Variants in LRRIQ1 observed in about 807,000 individuals in gnomAD.
LRRIQ1 encodes the protein leucine rich repeats and IQ motif containing 1, also known as leucine-rich repeat- and IQ domain-containing protein 1.
LRRIQ1 carries 210 observed loss-of-function variants against 211.9 expected under a neutral mutation model. The ratio of observed to expected loss-of-function variants is 0.99; its 90% CI spans 0.89 to 1.11. LRRIQ1 has a LOEUF of 1.11. Ranked by LOEUF, LRRIQ1 falls within the 50% of genes most tolerant of loss-of-function variation. The pLI, the probability that LRRIQ1 is intolerant of heterozygous loss-of-function variation, is 0.00. For missense variants in LRRIQ1, 2,136 were observed against 1,939.5 expected (o/e 1.10, Z -1.90); for synonymous variants, 699 against 650.1 (o/e 1.08, Z -1.14).
intron 14 of LRRIQ1, among the ~76,000 whole-genome samples, chr12:85,106,150 A>G (rs574586174): frequency 1.4e-4 from 21 of 152,260 alleles, no homozygotes; most frequent in Non-Finnish European, 2.8e-4. Flanking sequence ...TGTTGTATAT[A>G]CAATTTTAAC....
chr12:85,162,147 C>A (rs1204451504), intron 24 of LRRIQ1, among the ~76,000 whole-genome samples: 2 of 151,870 alleles, frequency 1.3e-5, no homozygotes, highest in African/African-American at 2.4e-5. Flanking sequence ...TAAAGATTTC[C>A]TTTACATTCT....
At chr12:85,203,169 C>A (rs79478082) in intron 24 of LRRIQ1, among the ~76,000 whole-genome samples, 2 of 152,114 alleles carry the variant, frequency 1.3e-5, no homozygotes, top group Non-Finnish European at 2.9e-5. Context: ...CAGGGGTTTT[C>A]GCTTTTGCAT....
chr12:85,181,260 G>A (rs1293569376), intron 24 of LRRIQ1, among the ~76,000 whole-genome samples: 2 of 151,754 alleles, frequency 1.3e-5, no homozygotes, highest in African/African-American at 4.8e-5. Flanking sequence ...GTTGATATAT[G>A]CTTTATAAAG....
intron 15 of LRRIQ1, among the ~76,000 whole-genome samples, chr12:85,115,869 A>T (rs1464378978): frequency 6.6e-6 from 1 of 152,036 alleles, no homozygotes; most frequent in South Asian, 2.1e-4. Flanking sequence ...TTATCTGTTC[A>T]TTTTTCTGAT....
chr12:85,232,987 A>G lies in LRRIQ1; in HGVS notation c.5016+231A>G, dbSNP rs3803035. 208 of 441,846 alleles carry G rather than the reference A, an allele frequency of 4.7e-4. 4 individuals are homozygous for G. In the East Asian group the frequency reaches 8.6e-3, roughly 18 times the overall value. 27.4% of individuals were successfully genotyped at this position (441,846 alleles called of 1,614,324 possible). ...AATTTTATGTGACAGATGTAAAAAT[A>G]TTAGCATCCTACAACTTTAAAATAA... On this transcript the variant is annotated intron_variant, in intron 26 of 26. Coordinates refer to ENST00000393217, the MANE Select transcript of LRRIQ1 (RefSeq NM_001079910.2).
At chr12:85,176,682 T>C (rs1275641247) in intron 24 of LRRIQ1, among the ~76,000 whole-genome samples, 3 of 151,196 alleles carry the variant, frequency 2.0e-5, no homozygotes, top group Non-Finnish European at 4.4e-5. Flanking sequence ...GCATGGCACA[T>C]GTATACATAT....
intron 6 of LRRIQ1, chr12:85,047,893 C>T (rs1163127685): frequency 2.5e-5 from 4 of 158,380 alleles, no homozygotes; most frequent in Non-Finnish European, 5.5e-5. Flanking sequence ...TCAGTCTGCG[C>T]CCCACCTTCA....
chr12:85,147,723 T>C (rs1454360784), intron 19 of LRRIQ1, among the ~76,000 whole-genome samples: 1 of 146,308 alleles, frequency 6.8e-6, no homozygotes, highest in African/African-American at 2.6e-5. Context: ...TTTTTTTTTT[T>C]CATGAGAAAC....
intron 15 of LRRIQ1, among the ~76,000 whole-genome samples, chr12:85,119,319 C>A (rs1227599476): frequency 6.6e-6 from 1 of 152,064 alleles, no homozygotes; most frequent in Non-Finnish European, 1.5e-5. Flanking sequence ...CTTTTCTCCA[C>A]CTCTTTTCAT....
At chr12:85,197,763 G>T (rs1392896987) in intron 24 of LRRIQ1, among the ~76,000 whole-genome samples, 2 of 149,328 alleles carry the variant, frequency 1.3e-5, no homozygotes, top group African/African-American at 2.5e-5. Flanking sequence ...CACCAGCATG[G>T]CACATGTATA....
chr12:85,198,017 A>G (rs1893059958), intron 24 of LRRIQ1, among the ~76,000 whole-genome samples: 3 of 58,872 alleles, frequency 5.1e-5, no homozygotes, highest in Middle Eastern at 0.014. Flanking sequence ...ATAATATATT[A>G]TATTATTATA....
intron 24 of LRRIQ1, among the ~76,000 whole-genome samples, chr12:85,200,812 C>T (rs1415341661): frequency 2.0e-5 from 3 of 151,582 alleles, no homozygotes. Context: ...ATCATGATGG[C>T]TTAGCATTTT....
chr12:85,193,084 ATAAT>A (rs1892684614), intron 24 of LRRIQ1, among the ~76,000 whole-genome samples: 1 of 118,692 alleles, frequency 8.4e-6, no homozygotes, highest in Non-Finnish European at 1.6e-5. Flanking sequence ...TTTATTATAT[ATAAT>A]TATATATATT....
At chr12:85,261,575 A>T (rs1009747741) in intron 1 of LRRIQ1, among the ~76,000 whole-genome samples, 6 of 151,300 alleles carry the variant, frequency 4.0e-5, no homozygotes, top group African/African-American at 1.5e-4. Context: ...CTCTAACCTT[A>T]CTTAAGCACG....
chr12:85,088,160 A>G (rs1264684187), intron 11 of LRRIQ1, among the ~76,000 whole-genome samples: 3 of 152,200 alleles, frequency 2.0e-5, no homozygotes, highest in Admixed American at 1.3e-4. Flanking sequence ...AGCTTTCTAC[A>G]TATGGCTAGT....
At chr12:85,046,959 A>G (rs1490087754) in intron 5 of LRRIQ1, among the ~76,000 whole-genome samples, 1 of 146,092 alleles carries the variant, frequency 6.8e-6, no homozygotes. Flanking sequence ...CAATGAGAAC[A>G]CTTGGACACA....
chr12:85,043,759 A>G (rs1247717575), intron 3 of LRRIQ1, among the ~76,000 whole-genome samples: 1 of 151,956 alleles, frequency 6.6e-6, no homozygotes, highest in Non-Finnish European at 1.5e-5. Context: ...CCACACATAT[A>G]TCATAAAACT....
chr12:85,255,607 A>T (rs997979657), intron 1 of LRRIQ1, among the ~76,000 whole-genome samples: 1 of 151,768 alleles, frequency 6.6e-6, no homozygotes, highest in East Asian at 1.9e-4. Context: ...ACTTATAGCC[A>T]CATCTCATGA....
At chr12:85,173,293 G>C (rs1431694555) in intron 24 of LRRIQ1, among the ~76,000 whole-genome samples, 1 of 152,092 alleles carries the variant, frequency 6.6e-6, no homozygotes, top group Non-Finnish European at 1.5e-5. Flanking sequence ...TTAAAACTAA[G>C]AGTAATTGTA....
Sources: gnomAD v4.1 joint callset for allele counts (sites outside exome capture counted in the v4.1 genomes callset) on GRCh38, gnomAD v4.1.1 for gene constraint, MANE v1.5 for transcripts, NCBI Gene and HGNC (gene_info 2026-07-23, HGNC 2026-07-21) for gene names.